SPACA3: variants seen among roughly 807,000 people sequenced by gnomAD.
The protein encoded by SPACA3 is sperm acrosome membrane-associated protein 3.
Under a neutral mutation model 24.5 loss-of-function variants are expected in SPACA3, and 21 were observed. That is an observed-to-expected ratio of 0.86 (90% CI 0.61 to 1.24). The LOEUF is 1.24. Ranked by LOEUF, SPACA3 falls within the 50% of genes most tolerant of loss-of-function variation. The pLI is 0.00. For missense variants in SPACA3, 278 were observed against 275.5 expected, an observed-to-expected ratio of 1.01 and a Z score of -0.06; for synonymous variants, 115 against 106.9, an observed-to-expected ratio of 1.08 and a Z score of -0.47.
chr17:32,992,696 A>G (rs1302843139), intron 1 of SPACA3, among the ~76,000 whole-genome samples: 1 of 152,230 alleles, frequency 6.6e-6, no homozygotes, highest in Non-Finnish European at 1.5e-5. Context: ...CCCTTCAAGT[A>G]TGAGTCAGAG....
At chr17:32,996,211 G>A (rs934864846) in intron 2 of SPACA3, among the ~76,000 whole-genome samples, 11 of 152,112 alleles carry the variant, frequency 7.2e-5, no homozygotes, top group African/African-American at 2.7e-4. Context: ...TTGTAGGCTG[G>A]GTGCAGTGGC....
At chr17:32,994,388 A>G (rs2091709763) in intron 1 of SPACA3, among the ~76,000 whole-genome samples, 1 of 152,220 alleles carries the variant, frequency 6.6e-6, no homozygotes, top group African/African-American at 2.4e-5. Flanking sequence ...AGATGGAGCA[A>G]GGAGCAGAGG....
chr17:32,993,453 G>T (rs1004114973), intron 1 of SPACA3, among the ~76,000 whole-genome samples: 1 of 152,156 alleles, frequency 6.6e-6, no homozygotes, highest in African/African-American at 2.4e-5. Context: ...TGAATTCCAC[G>T]GAGGATAAGG....
In SPACA3 at chr17:32,997,853, C is replaced by T. The variant is rs575914823; in HGVS notation, c.*75C>T. 1.1e-4 allele frequency: 155 copies of T among 1,464,266 alleles called. 1 individual carries two copies. In the African/African-American group the frequency reaches 1.2e-3, roughly 12 times the overall value. The allele number at this position is 1,464,266 out of a possible 1,614,324, so 90.7% of individuals were successfully genotyped here. On this transcript the variant is annotated 3_prime_UTR_variant, in exon 5 of 5. Coordinates refer to ENST00000269053, the MANE Select transcript of SPACA3 (RefSeq NM_173847.5). Reference sequence around the variant, plus strand: ...ACCTAGGCTTGGGAAGACAAGCCAGCGAATAAAGGATGGTTGAACGTGAAT... The same window carrying T: ...ACCTAGGCTTGGGAAGACAAGCCAGTGAATAAAGGATGGTTGAACGTGAAT...
At chr17:32,993,038 G>T (rs1389887777) in intron 1 of SPACA3, 1 of 447,276 alleles carries the variant, frequency 2.2e-6, no homozygotes, top group Admixed American at 2.6e-5. Context: ...TGCTCTCGGA[G>T]GGAAGGTGGA....
At chr17:32,996,522 A>G (rs894520909) in intron 2 of SPACA3, among the ~76,000 whole-genome samples, 1 of 150,978 alleles carries the variant, frequency 6.6e-6, no homozygotes, top group Admixed American at 6.6e-5. Flanking sequence ...TAGCACTTGT[A>G]GATTCATTCA....
At chr17:32,995,345 G>T in intron 1 of SPACA3, 64 bp from the exon 2 acceptor site, 1 of 1,469,396 alleles carries the variant, frequency 6.8e-7, no homozygotes, top group Non-Finnish European at 9.3e-7. Context: ...AATGCAAGGG[G>T]GCTGATACGT....
intron 1 of SPACA3, among the ~76,000 whole-genome samples, chr17:32,993,632 G>A (rs989572174): frequency 2.0e-5 from 3 of 152,064 alleles, no homozygotes; most frequent in East Asian, 1.9e-4. Context: ...CAGTTTCAGC[G>A]CGCGGTGATG....
In SPACA3 at chr17:32,997,344, T is replaced by TGTGTGTAGAGAG. The variant is rs140846693; in HGVS notation, c.503-101_503-100insGTGTGTAGAGAG. 3.5e-5 allele frequency: 21 copies of TGTGTGTAGAGAG among 605,346 alleles called. No homozygotes were observed. The African/African-American group carries it at 4.1e-4, about 12-fold the overall frequency. 37.5% of individuals were successfully genotyped at this position (605,346 alleles called of 1,614,324 possible). A position where few individuals can be genotyped will look rare whatever the true frequency, so the allele number is the denominator to read the frequency against. ...GTGTGTGTGTGTGTGTGTGTGTGTG[T>TGTGTGTAGAGAG]AGAGAGAGAGAGAGAGACAGACAGA... On this transcript the variant is annotated intron_variant, in intron 3 of 4. Coordinates refer to ENST00000269053, the MANE Select transcript of SPACA3 (RefSeq NM_173847.5).
chr17:32,992,113 G>A (rs962063012), intron 1 of SPACA3, 141 bp downstream of exon 1: 3 of 661,318 alleles, frequency 4.5e-6, no homozygotes, highest in African/African-American at 3.7e-5. Flanking sequence ...AGAGAGGAGA[G>A]AGAGAGAGAG....
intron 2 of SPACA3, 60 bp downstream of exon 2, chr17:32,995,777 C>G: frequency 6.5e-7 from 1 of 1,543,816 alleles, no homozygotes; most frequent in Non-Finnish European, 8.8e-7. Flanking sequence ...CTCTTTCCCT[C>G]CCTCTCTCCT....
In SPACA3 at chr17:32,991,874, G is replaced by A. The variant is rs2091691444; in HGVS notation, c.-65G>A. ...CACTGGGTGCCTGGGGCCCTGGCAA[G>A]GTTGTGGGGGACATCTTGAGCTGAA... is the stretch of plus-strand genomic sequence containing the variant. On this transcript the variant is annotated 5_prime_UTR_variant, in exon 1 of 5. Coordinates refer to ENST00000269053, the MANE Select transcript of SPACA3 (RefSeq NM_173847.5). 6.2e-7 allele frequency: 1 copy of A among 1,612,270 alleles called. No individual in the cohort carries two copies. Among genetic ancestry groups the A allele is most frequent in the Non-Finnish European group, 8.5e-7 (1 of 1,178,602 alleles).
At chr17:32,995,772 T>C in intron 2 of SPACA3, 55 bp downstream of exon 2, 4 of 1,551,228 alleles carry the variant, frequency 2.6e-6, no homozygotes, top group Non-Finnish European at 3.5e-6. Flanking sequence ...CCTCCCTCTT[T>C]CCCTCCCTCT....
Position 32,997,793 on chromosome 17 carries a change from T to C in SPACA3, c.*15T>C. 6.2e-7 allele frequency: 1 copy of C among 1,614,028 alleles called. No individual in the cohort carries two copies. The highest frequency in any genetic ancestry group is 8.5e-7 in the Non-Finnish European group (1 of 1,179,884). On this transcript the variant is annotated 3_prime_UTR_variant, in exon 5 of 5. Coordinates refer to ENST00000269053, the MANE Select transcript of SPACA3 (RefSeq NM_173847.5). Reference sequence around the variant, plus strand: ...GTGACTTCTAGGATGGACGGAACCATGCACAGCAGGCTGGGAAATGTGGTT... The same window carrying C: ...GTGACTTCTAGGATGGACGGAACCACGCACAGCAGGCTGGGAAATGTGGTT...
chr17:32,996,825 A>G lies in SPACA3; in HGVS notation c.344-18A>G. The G allele has an allele frequency of 1.3e-6, 2 of 1,522,748 alleles. No individual in the cohort carries two copies. Among genetic ancestry groups the G allele is most frequent in the Non-Finnish European group, 1.8e-6 (2 of 1,132,602 alleles). 94.3% of individuals were successfully genotyped at this position (1,522,748 alleles called of 1,614,324 possible). A position where few individuals can be genotyped will look rare whatever the true frequency, so the allele number is the denominator to read the frequency against. The stretch of plus-strand genomic sequence containing the variant: ...CTGTAACCATCTGACCCCCAGGCCT[A>G]TGCTCTGCCCTATGCAGGGGTCTGC... On this transcript the variant is annotated intron_variant, in intron 2 of 4. Transcript: ENST00000269053.
chr17:32,994,046 T>C (rs150460451), intron 1 of SPACA3, among the ~76,000 whole-genome samples: 1 of 152,144 alleles, frequency 6.6e-6, no homozygotes, highest in East Asian at 1.9e-4. Context: ...ATTCCACAAG[T>C]GAGCACCTTG....
intron 1 of SPACA3, chr17:32,992,815 C>A (rs374529653): frequency 2.2e-6 from 1 of 454,280 alleles, no homozygotes; most frequent in Non-Finnish European, 4.5e-6. Context: ...GAGTGGGCCG[C>A]AGGGCTGGGC....
Position 32,996,949 on chromosome 17 carries a change from G to C in SPACA3, c.450G>C (p.Trp150Cys). 6.2e-7 allele frequency: 1 copy of C among 1,604,194 alleles called. No individual in the cohort carries two copies. Among genetic ancestry groups the C allele is most frequent in the Non-Finnish European group, 8.5e-7 (1 of 1,175,024 alleles). ...NGIFQINSRRWCSNLTPNVPN... is the reference protein window; with the variant it reads ...NGIFQINSRRCCSNLTPNVPN... ...TCTTCCAGATCAACAGCCGGAGGTG[G>C]TGCAGCAACCTCACCCCGAACGTCC... Residue 150 changes from tryptophan (W) to cysteine (C), a missense_variant, in exon 3 of 5, where the codon TGG becomes TGC. By Grantham distance (215) the Trp-to-Cys change is radical. Transcript: ENST00000269053.
chr17:32,993,276 C>CTAG, intron 1 of SPACA3, among the ~76,000 whole-genome samples: 1 of 152,278 alleles, frequency 6.6e-6, no homozygotes, highest in Non-Finnish European at 1.5e-5. Flanking sequence ...AAGTGTCCTG[C>CTAG]CAGTAGCTGC....
Sources: allele counts gnomAD v4.1 joint callset (sites outside exome capture counted in the v4.1 genomes callset), GRCh38; gene constraint gnomAD v4.1.1; transcripts MANE v1.5; gene names NCBI Gene and HGNC (gene_info 2026-07-23, HGNC 2026-07-21).